The following STAC variants were observed in gnomAD, a reference collection of about 807,000 sequenced individuals.
The protein encoded by STAC is SH3 and cysteine rich domain.
Under a neutral mutation model 48.8 loss-of-function variants are expected in STAC, and 43 were observed. The ratio of observed to expected loss-of-function variants is 0.88; its 90% CI spans 0.69 to 1.14. STAC has a LOEUF of 1.14. STAC is among the 50% of genes most tolerant of loss of function. STAC has a pLI of 0.00. For missense variants in STAC, 497 were observed against 504.0 expected, an observed-to-expected ratio of 0.99 and a Z score of 0.13; for synonymous variants, 193 against 179.5, an observed-to-expected ratio of 1.07 and a Z score of -0.60.
At chr3:36,477,176 T>C (rs756799382) in intron 2 of STAC, among the ~76,000 whole-genome samples, 1 of 152,176 alleles carries the variant, frequency 6.6e-6, no homozygotes, top group Non-Finnish European at 1.5e-5. Context: ...ATAGGACTAA[T>C]TTTATACTTG....
At chr3:36,390,373 T>C (rs563728242) in intron 1 of STAC, among the ~76,000 whole-genome samples, 3 of 151,994 alleles carry the variant, frequency 2.0e-5, no homozygotes, top group African/African-American at 4.8e-5. Context: ...TTATGAAGAA[T>C]TTCCATCAGG....
intron 1 of STAC, among the ~76,000 whole-genome samples, chr3:36,390,785 C>A (rs1425188182): frequency 6.6e-6 from 1 of 151,870 alleles, no homozygotes; most frequent in Non-Finnish European, 1.5e-5. Flanking sequence ...TTTTATGGAA[C>A]CCACAAATAA....
At chr3:36,535,895 T>G (rs1315574828) in intron 10 of STAC, among the ~76,000 whole-genome samples, 1 of 152,212 alleles carries the variant, frequency 6.6e-6, no homozygotes, top group Non-Finnish European at 1.5e-5. Context: ...GATTTTTACA[T>G]CGATCTTCAT....
In STAC at chr3:36,486,191, C is replaced by T. The variant is rs1457630035; in HGVS notation, c.629C>T (p.Ala210Val). 19 of 1,613,974 alleles carry T rather than the reference C, an allele frequency of 1.2e-5. No individual in the cohort carries two copies. The highest frequency in any genetic ancestry group is 1.5e-5 in the Non-Finnish European group (18 of 1,179,940). ...YETLRFGTSL[A>V]QRTKKGSSGS... is the part of the protein sequence containing the mutation. ...ACCCTCCGCTTCGGCACCTCCCTGG[C>T]CCAGAGGACAAAGAAGGGCAGCTCC... Residue 210 changes from alanine to valine, a missense_variant, in exon 5 of 11, where the codon GCC becomes GTC. Coordinates refer to ENST00000273183, the MANE Select transcript of STAC (RefSeq NM_003149.3).
chr3:36,382,064 TAA>T (rs1559471972), intron 1 of STAC, among the ~76,000 whole-genome samples: 2 of 152,084 alleles, frequency 1.3e-5, no homozygotes, highest in East Asian at 1.9e-4. Flanking sequence ...CTTCCTGAGA[TAA>T]AGAGATGGAA....
At chr3:36,517,376 G>A (rs1329225899) in intron 8 of STAC, among the ~76,000 whole-genome samples, 1 of 152,214 alleles carries the variant, frequency 6.6e-6, no homozygotes, top group East Asian at 1.9e-4. Flanking sequence ...ATGGCCAAGT[G>A]CAGTGGCTTA....
chr3:36,436,681 G>C (rs967566997), intron 1 of STAC, among the ~76,000 whole-genome samples: 6 of 151,952 alleles, frequency 3.9e-5, no homozygotes, highest in Non-Finnish European at 4.4e-5. Flanking sequence ...ATTTTCCTTT[G>C]TACCTCCTCT....
At chr3:36,382,229 G>T (rs1359222233) in intron 1 of STAC, among the ~76,000 whole-genome samples, 2 of 152,200 alleles carry the variant, frequency 1.3e-5, no homozygotes, top group African/African-American at 2.4e-5. Context: ...TTAGAGGAAA[G>T]CTAGAATTCT....
chr3:36,514,204 C>CTTTTTT (rs765548085), intron 8 of STAC, among the ~76,000 whole-genome samples: 397 of 36,438 alleles, frequency 0.011, 60 homozygotes, highest in East Asian at 0.016. Context: ...CACTGGCCTT[C>CTTTTTT]TTTTTTTTTT....
chr3:36,497,730 A>G (rs1262458145), intron 6 of STAC, among the ~76,000 whole-genome samples: 1 of 152,100 alleles, frequency 6.6e-6, no homozygotes, highest in Non-Finnish European at 1.5e-5. Context: ...AGAAAGAAAG[A>G]AAGACAGGCA....
chr3:36,439,381 C>G (rs947023907), intron 1 of STAC, among the ~76,000 whole-genome samples: 3 of 152,180 alleles, frequency 2.0e-5, no homozygotes, highest in Non-Finnish European at 4.4e-5. Flanking sequence ...TCTCAGAGGG[C>G]TCTCCCACAC....
intron 2 of STAC, among the ~76,000 whole-genome samples, chr3:36,444,637 A>G (rs1452057496): frequency 1.3e-5 from 2 of 152,242 alleles, no homozygotes; most frequent in East Asian, 3.8e-4. Flanking sequence ...TCCATAGTCA[A>G]GACAGGGGCA....
intron 1 of STAC, 128 bp downstream of exon 1, chr3:36,380,882 G>GGACTTGAACGTCCGGTAGGACCCGCCGA: frequency 4.0e-6 from 2 of 498,876 alleles, no homozygotes; most frequent in Non-Finnish European, 7.0e-6. Flanking sequence ...CAGGGCTGTA[G>GGACTTGAACGTCCGGTAGGACCCGCCGA]GACTTGAACG....
intron 2 of STAC, among the ~76,000 whole-genome samples, chr3:36,448,067 G>A (rs1361369289): frequency 1.3e-5 from 2 of 152,128 alleles, no homozygotes; most frequent in Non-Finnish European, 2.9e-5. Flanking sequence ...AAAATGCAGT[G>A]TAATGTCTGG....
intron 2 of STAC, among the ~76,000 whole-genome samples, chr3:36,469,435 G>A (rs1245630979): frequency 6.6e-6 from 1 of 152,158 alleles, no homozygotes; most frequent in Non-Finnish European, 1.5e-5. Flanking sequence ...CAGCTTATAA[G>A]ATTTGGGCTG....
At chr3:36,530,109 A>T (rs956183048) in intron 10 of STAC, among the ~76,000 whole-genome samples, 1 of 152,170 alleles carries the variant, frequency 6.6e-6, no homozygotes, top group Non-Finnish European at 1.5e-5. Flanking sequence ...TGTTCTTGAT[A>T]TATTAGTGGA....
At chr3:36,513,211 G>A (rs1481670249) in intron 8 of STAC, among the ~76,000 whole-genome samples, 2 of 152,080 alleles carry the variant, frequency 1.3e-5, no homozygotes, top group Non-Finnish European at 2.9e-5. Context: ...CAATGCTCCA[G>A]ACCTCTCCCC....
intron 2 of STAC, among the ~76,000 whole-genome samples, chr3:36,453,909 T>C (rs549329204): frequency 2.8e-4 from 42 of 152,060 alleles, no homozygotes; most frequent in Non-Finnish European, 5.1e-4. Flanking sequence ...ATGCACCAAT[T>C]GACACTCTGT....
intron 1 of STAC, among the ~76,000 whole-genome samples, chr3:36,421,359 GT>G (rs1235708479): frequency 6.6e-6 from 1 of 152,014 alleles, no homozygotes; most frequent in Non-Finnish European, 1.5e-5. Flanking sequence ...TAACTAACAT[GT>G]AACATGCTTA....
Sources: allele counts gnomAD v4.1 joint callset (sites outside exome capture counted in the v4.1 genomes callset), GRCh38; gene constraint gnomAD v4.1.1; transcripts MANE v1.5; gene names NCBI Gene and HGNC (gene_info 2026-07-23, HGNC 2026-07-21).